Variants in FHIT observed in about 807,000 individuals in gnomAD.
FHIT encodes the protein bis(5'-adenosyl)-triphosphatase.
Under a neutral mutation model 17.9 loss-of-function variants are expected in FHIT, and 19 were observed. The ratio of observed to expected loss-of-function variants is 1.06; its 90% confidence interval spans 0.74 to 1.56. The LOEUF is 1.56. Ranked by LOEUF, FHIT falls within the 40% of genes most tolerant of loss-of-function variation. The pLI is 0.00. For synonymous variants in FHIT, 81 were observed against 69.7 expected (o/e 1.16, Z -0.81); for missense variants, 248 against 189.2 (o/e 1.31, Z -1.82).
intron 3 of FHIT, among the ~76,000 whole-genome samples, chr3:60,829,754 GA>G (rs1575575989): frequency 6.8e-6 from 1 of 146,486 alleles, no homozygotes; most frequent in East Asian, 2.0e-4. Context: ...AAGGAGGGAA[GA>G]ACTGAAACTC....
intron 5 of FHIT, among the ~76,000 whole-genome samples, chr3:60,181,148 T>C (rs1451143631): frequency 6.8e-6 from 1 of 146,260 alleles, no homozygotes; most frequent in Admixed American, 6.8e-5. Flanking sequence ...TTTTTTAATT[T>C]TTTTTTTTTT....
intron 5 of FHIT, among the ~76,000 whole-genome samples, chr3:60,055,306 A>T (rs965196178): frequency 1.3e-5 from 2 of 151,998 alleles, no homozygotes; most frequent in African/African-American, 4.8e-5. Flanking sequence ...CACTTTCCCC[A>T]TACTACCACA....
At chr3:60,784,443 C>A (rs889213536) in intron 4 of FHIT, among the ~76,000 whole-genome samples, 2 of 151,554 alleles carry the variant, frequency 1.3e-5, no homozygotes, top group Non-Finnish European at 2.9e-5. Flanking sequence ...CTCAAGTGAT[C>A]CCCTGCCTCA....
intron 5 of FHIT, among the ~76,000 whole-genome samples, chr3:60,480,238 G>A (rs889473142): frequency 1.1e-4 from 16 of 152,146 alleles, no homozygotes; most frequent in African/African-American, 3.9e-4. Context: ...ACTATCATGA[G>A]AACAGCATGG....
chr3:61,232,738 T>C (rs144984476), intron 1 of FHIT, among the ~76,000 whole-genome samples: 11 of 152,316 alleles, frequency 7.2e-5, no homozygotes, highest in African/African-American at 2.4e-4. Flanking sequence ...CTGCTCCTAT[T>C]AGGCCTAGGT....
At chr3:60,189,716 T>C (rs1702315988) in intron 5 of FHIT, among the ~76,000 whole-genome samples, 1 of 152,066 alleles carries the variant, frequency 6.6e-6, no homozygotes, top group Non-Finnish European at 1.5e-5. Context: ...ATGACATGAA[T>C]CGTTTTTCAG....
At chr3:60,919,882 A>C (rs548826217) in intron 3 of FHIT, among the ~76,000 whole-genome samples, 52 of 152,204 alleles carry the variant, frequency 3.4e-4, no homozygotes, top group African/African-American at 1.2e-3. Context: ...AAAAATACAA[A>C]ACTTAGCTAG....
At chr3:60,302,919 C>A (rs985382509) in intron 5 of FHIT, among the ~76,000 whole-genome samples, 1 of 152,130 alleles carries the variant, frequency 6.6e-6, no homozygotes, top group African/African-American at 2.4e-5. Flanking sequence ...ATGCCATCAG[C>A]CTTACACCAG....
chr3:60,750,556 T>G (rs1478372925), intron 4 of FHIT, among the ~76,000 whole-genome samples: 1 of 152,150 alleles, frequency 6.6e-6, no homozygotes, highest in African/African-American at 2.4e-5. Context: ...CTGCACAAGG[T>G]CTCTCTTTGC....
intron 8 of FHIT, among the ~76,000 whole-genome samples, chr3:59,799,878 C>T (rs1244803333): frequency 6.6e-6 from 1 of 152,116 alleles, no homozygotes; most frequent in Non-Finnish European, 1.5e-5. Flanking sequence ...CACTGCAGGC[C>T]TTTCACAATC....
At chr3:60,006,057 G>A (rs1227766033) in intron 7 of FHIT, among the ~76,000 whole-genome samples, 1 of 152,120 alleles carries the variant, frequency 6.6e-6, no homozygotes, top group Admixed American at 6.6e-5. Flanking sequence ...CAAAGCATGG[G>A]GCAGGCAGGC....
At chr3:60,883,771 T>C (rs1432109675) in intron 3 of FHIT, among the ~76,000 whole-genome samples, 6 of 152,172 alleles carry the variant, frequency 3.9e-5, no homozygotes, top group Admixed American at 3.3e-4. Flanking sequence ...GAGGAAAACA[T>C]TGGGGAAAAT....
intron 5 of FHIT, among the ~76,000 whole-genome samples, chr3:60,296,396 G>A (rs1215438155): frequency 2.0e-5 from 3 of 151,998 alleles, no homozygotes; most frequent in Non-Finnish European, 4.4e-5. Context: ...ATCTCAACGT[G>A]GTTTTATTTA....
intron 2 of FHIT, among the ~76,000 whole-genome samples, chr3:61,127,583 G>A (rs1388268281): frequency 6.6e-6 from 1 of 152,148 alleles, no homozygotes; most frequent in Non-Finnish European, 1.5e-5. Context: ...AGAGTAACTT[G>A]GCCAGGTGTG....
At chr3:60,884,910 C>CAAAAAAAAAAAAAAAAAAAAAAA (rs71092651) in intron 3 of FHIT, among the ~76,000 whole-genome samples, 1 of 110,282 alleles carries the variant, frequency 9.1e-6, no homozygotes. Context: ...GACCCTTTCT[C>CAAAAAAAAAAAAAAAAAAAAAAA]AAAAAAAAAA....
intron 3 of FHIT, among the ~76,000 whole-genome samples, chr3:60,822,325 A>G (rs1701958143): frequency 6.6e-6 from 1 of 152,126 alleles, no homozygotes. Context: ...CCTCCTCAAG[A>G]ACTGGAAAGT....
intron 5 of FHIT, among the ~76,000 whole-genome samples, chr3:60,211,010 G>C (rs915460214): frequency 3.3e-5 from 5 of 149,924 alleles, no homozygotes; most frequent in Non-Finnish European, 7.4e-5. Context: ...TTTATAAATA[G>C]GGGATGGAGT....
At chr3:61,244,425 A>C (rs949829230) in intron 1 of FHIT, among the ~76,000 whole-genome samples, 2 of 152,206 alleles carry the variant, frequency 1.3e-5, no homozygotes, top group African/African-American at 4.8e-5. Flanking sequence ...TTTGTCCATC[A>C]AATTTAGAAA....
At chr3:59,966,766 G>C (rs1707945610) in intron 7 of FHIT, among the ~76,000 whole-genome samples, 1 of 152,050 alleles carries the variant, frequency 6.6e-6, no homozygotes, top group East Asian at 1.9e-4. Context: ...AGTGAGTAAG[G>C]GGTGACTGAA....
Sources: gnomAD v4.1 joint callset for allele counts (sites outside exome capture counted in the v4.1 genomes callset) on GRCh38, gnomAD v4.1.1 for gene constraint, MANE v1.5 for transcripts, NCBI Gene and HGNC (gene_info 2026-07-23, HGNC 2026-07-21) for gene names.